Variants in ADAM15 observed in about 807,000 individuals in gnomAD.
ADAM15 encodes the protein disintegrin and metalloproteinase domain-containing protein 15.
Under a neutral mutation model 113.8 loss-of-function variants are expected in ADAM15, and 77 were observed. The ratio of observed to expected loss-of-function variants is 0.68; its 90% CI spans 0.56 to 0.82. The LOEUF is 0.82. Ranked by LOEUF, ADAM15 falls within the 40% of genes least tolerant of loss-of-function variation. ADAM15 has a pLI of 0.00. For synonymous variants in ADAM15, 388 were observed against 454.1 expected (o/e 0.85, Z 1.85); for missense variants, 963 against 1,120.1 (o/e 0.86, Z 2.00).
Position 155,057,720 on chromosome 1 carries a change from A to G in ADAM15, c.1407A>G (p.Gln469=). 8 of 1,614,142 alleles carry G rather than the reference A, an allele frequency of 5.0e-6. No homozygotes were observed. Among genetic ancestry groups the G allele is most frequent in the Non-Finnish European group, 6.8e-6 (8 of 1,180,024 alleles). The part of the protein sequence containing the change: ...AQCASDGPCC[Q]NCQLRPSGWQ... Reference sequence around the variant, plus strand: ...GTGCATCTGACGGACCCTGTTGTCAAAATTGCCAGGTGGGTAGAGACTAGA... The same window carrying G: ...GTGCATCTGACGGACCCTGTTGTCAGAATTGCCAGGTGGGTAGAGACTAGA... The change falls in exon 13 of 23, where the codon CAA becomes CAG. Residue 469 remains glutamine, a synonymous_variant. Transcript: ENST00000356955. The surrounding 1 kb of genome is among the most constrained non-coding windows in gnomAD (Gnocchi z 5.0).
chr1:155,059,761 TA>T, intron 16 of ADAM15, 140 bp from the exon 17 acceptor site: 1 of 857,584 alleles, frequency 1.2e-6, no homozygotes, highest in Non-Finnish European at 1.9e-6. Flanking sequence ...CTGGTATGGA[TA>T]AAGACCCTCC....
Position 155,058,809 on chromosome 1 carries a change from G to A in ADAM15, c.1995+22G>A, listed in dbSNP as rs752692675. On this transcript the variant is annotated intron_variant, in intron 16 of 22. Coordinates refer to ENST00000356955, the MANE Select transcript of ADAM15 (RefSeq NM_207197.3). This position sits in a 1 kb window ranked among gnomAD's most constrained non-coding sequence, Gnocchi z 4.3. ...TGGGGTGAGCTGGGATGGGGGAAGT[G>A]GAAGGGGAGCAGAGAGCCTCTAGAG... 1 of 1,603,578 alleles carries A rather than the reference G, an allele frequency of 6.2e-7. No individual in the cohort carries two copies. The highest frequency in any genetic ancestry group is 2.2e-5 in the East Asian group (1 of 44,738).
At chr1:155,054,643 A>C in intron 6 of ADAM15, 137 bp downstream of exon 6, 1 of 895,940 alleles carries the variant, frequency 1.1e-6, no homozygotes, top group Non-Finnish European at 1.6e-6. Flanking sequence ...TGTGAACATT[A>C]GCTCGTGTAC....
Position 155,051,469 on chromosome 1 carries a change from A to T in ADAM15, c.79+4A>T. 6.4e-7 allele frequency: 1 copy of T among 1,561,780 alleles called. No individual in the cohort carries two copies. On this transcript the variant is annotated splice_donor_region_variant and intron_variant, in intron 1 of 22. Coordinates refer to ENST00000356955, the MANE Select transcript of ADAM15 (RefSeq NM_207197.3). ...TCCTGGCCGCTCCCAAATATAGGTG[A>T]GTCCTCCGCCTGGAGTGGGTCGGGG...
chr1:155,054,257 A>G lies in ADAM15; in HGVS notation c.419+31A>G, dbSNP rs369608805. On this transcript the variant is annotated intron_variant, in intron 5 of 22. Transcript: ENST00000356955. ...CTGGGCGGATTTAATGACAGTAGAG[A>G]AAGTAAGGAGACCCAGGCATGGAGC... The G allele has an allele frequency of 6.2e-5, 98 of 1,585,362 alleles. 1 individual carries two copies. The African/African-American group carries it at 1.3e-3, about 21-fold the overall frequency.
Position 155,052,131 on chromosome 1 carries a change from G to T in ADAM15, c.80-540G>T, listed in dbSNP as rs369628208. The T allele has an allele frequency of 9.9e-4, 212 of 214,736 alleles. 1 individual carries two copies. The highest frequency in any genetic ancestry group is 7.8e-3 in the East Asian group (59 of 7,604). The allele number at this position is 214,736 out of a possible 1,614,324, so 13.3% of individuals were successfully genotyped here. On this transcript the variant is annotated intron_variant, in intron 1 of 22. Coordinates refer to ENST00000356955, the MANE Select transcript of ADAM15 (RefSeq NM_207197.3). ...GAGGAGAGAGGGCCATTGTGTGTTGGGGGGGTGGGGGGTGCTCGAGGAGGA... is the reference window on the plus strand; with the variant it reads ...GAGGAGAGAGGGCCATTGTGTGTTGTGGGGGTGGGGGGTGCTCGAGGAGGA...
At position 155,057,514 on chromosome 1, in the gene ADAM15, T is replaced by C; in HGVS notation, c.1324-123T>C. 1.3e-6 allele frequency: 2 copies of C among 1,490,618 alleles called. No homozygotes were observed. The highest frequency in any genetic ancestry group is 1.8e-6 in the Non-Finnish European group (2 of 1,084,352). The allele number at this position is 1,490,618 out of a possible 1,614,324, so 92.3% of individuals were successfully genotyped here. A position where few individuals can be genotyped will look rare whatever the true frequency, so the allele number is the denominator to read the frequency against. On this transcript the variant is annotated intron_variant, in intron 12 of 22. Coordinates refer to ENST00000356955, the MANE Select transcript of ADAM15 (RefSeq NM_207197.3). This position sits in a 1 kb window ranked among gnomAD's most constrained non-coding sequence, Gnocchi z 5.0. ...GTCTGTGGGGACAGCACATGGGTTG[T>C]TGGGCTCTAGCCCTCGCTTGCTGTG...
chr1:155,052,059 G>C (rs577991737), intron 1 of ADAM15: 1 of 163,926 alleles, frequency 6.1e-6, no homozygotes, highest in Non-Finnish European at 1.3e-5. Context: ...ACTTCCCGCT[G>C]CTGTCTTGGG....
Position 155,058,645 on chromosome 1 carries a change from T to C in ADAM15, c.1918-65T>C. On this transcript the variant is annotated intron_variant, in intron 15 of 22. Coordinates refer to ENST00000356955, the MANE Select transcript of ADAM15 (RefSeq NM_207197.3). This position sits in a 1 kb window ranked among gnomAD's most constrained non-coding sequence, Gnocchi z 4.3. Reference sequence around the variant, plus strand: ...AACGCAGGGTATGGCCTCAACCTTATTGGCCTCCCAGTCCCATTAAAGCTT... The same window carrying C: ...AACGCAGGGTATGGCCTCAACCTTACTGGCCTCCCAGTCCCATTAAAGCTT... The C allele has an allele frequency of 2.5e-6, 4 of 1,575,470 alleles. No homozygotes were observed. The highest frequency in any genetic ancestry group is 3.4e-6 in the Non-Finnish European group (4 of 1,161,708).
chr1:155,053,695 C>T (rs1324752465), intron 3 of ADAM15, among the ~76,000 whole-genome samples: 2 of 152,312 alleles, frequency 1.3e-5, no homozygotes, highest in African/African-American at 4.8e-5. Context: ...CCAGGTCACA[C>T]AGCTAGTATG....
chr1:155,054,576 G>A, intron 6 of ADAM15, 70 bp downstream of exon 6: 1 of 1,451,968 alleles, frequency 6.9e-7, no homozygotes, highest in Non-Finnish European at 9.2e-7. Flanking sequence ...TTAGAGCTAT[G>A]TGTGCACAGT....
intron 2 of ADAM15, among the ~76,000 whole-genome samples, chr1:155,052,991 C>T (rs1422026465): frequency 6.6e-6 from 1 of 152,140 alleles, no homozygotes; most frequent in African/African-American, 2.4e-5. Flanking sequence ...TCTGCCTCAG[C>T]CCCACCCAAC....
chr1:155,055,943 C>T lies in ADAM15; in HGVS notation c.687C>T (p.Tyr229=). ...IVADHSEAQK[Y]RDFQHLLNRT... is the part of the protein sequence containing the mutation. The stretch of plus-strand genomic sequence containing the variant: ...CTCTTGGCCTACAGGCCCAGAAATA[C>T]CGGGACTTCCAGCACCTGCTAAACC... The change falls in exon 8 of 23, where the codon TAC becomes TAT. Residue 229 remains tyrosine, a synonymous_variant. Coordinates refer to ENST00000356955, the MANE Select transcript of ADAM15 (RefSeq NM_207197.3). 6.2e-7 allele frequency: 1 copy of T among 1,614,212 alleles called. No individual in the cohort carries two copies. Among genetic ancestry groups the T allele is most frequent in the South Asian group, 1.1e-5 (1 of 91,084 alleles).
rs2102418765 is a variant in ADAM15, at chr1:155,059,904, C to T, written c.1998C>T (p.Val666=). The change falls in exon 17 of 23, where the codon GTC becomes GTT. Residue 666 remains valine (V), a splice_region_variant and synonymous_variant. Transcript: ENST00000356955. ...ATTGCTCGCCTTGTACCTCCTAGGT[C>T]TGTGACAGCAACAGGCACTGCTACT... is the stretch of plus-strand genomic sequence containing the variant. The part of the protein sequence containing the change: ...ECRSKCHGHG[V]CDSNRHCYCE... 6.2e-7 allele frequency: 1 copy of T among 1,613,952 alleles called. No individual in the cohort carries two copies. Among genetic ancestry groups the T allele is most frequent in the East Asian group, 2.2e-5 (1 of 44,886 alleles).
intron 2 of ADAM15, among the ~76,000 whole-genome samples, 156 bp from the exon 3 acceptor site, chr1:155,053,261 C>T (rs996193474): frequency 6.6e-6 from 1 of 152,124 alleles, no homozygotes; most frequent in Admixed American, 6.5e-5. Context: ...CAGAACAATG[C>T]TCCAGGCCAG....
At position 155,052,733 on chromosome 1, in the gene ADAM15, G is replaced by A. The variant is rs1272824497; in HGVS notation, c.142G>A (p.Val48Ile). Residue 48 changes from valine to isoleucine, a missense_variant, in exon 2 of 23, where the codon GTC becomes ATC. Physicochemically the swap from Val to Ile is conservative, Grantham distance 29 (BLOSUM62 3). Coordinates refer to ENST00000356955, the MANE Select transcript of ADAM15 (RefSeq NM_207197.3). ...KAPREPLEPQVLQDDLPISLK... is the reference protein window; with the variant it reads ...KAPREPLEPQILQDDLPISLK... ...CCCGAGGGAGCCCTTGGAGCCCCAGGTCCTTCAGGACGATCTCCCAATTAG... is the reference window on the plus strand; with the variant it reads ...CCCGAGGGAGCCCTTGGAGCCCCAGATCCTTCAGGACGATCTCCCAATTAG... 2 of 1,612,566 alleles carry A rather than the reference G, an allele frequency of 1.2e-6. No individual in the cohort carries two copies. The highest frequency in any genetic ancestry group is 8.5e-7 in the Non-Finnish European group (1 of 1,179,558).
intron 1 of ADAM15, chr1:155,051,833 G>C (rs4845407): frequency 0.89 from 180,592 of 202,882 alleles, 80,606 homozygotes; most frequent in African/African-American, 0.96. Context: ...CTAACCGTTC[G>C]ACCCGGTGCC....
At chr1:155,060,970 A>AGCCCT (rs1003870859) in intron 19 of ADAM15, 138 bp downstream of exon 19, 13 of 816,854 alleles carry the variant, frequency 1.6e-5, no homozygotes, top group African/African-American at 8.5e-5. Flanking sequence ...AGTCAGGGCC[A>AGCCCT]GCCCTGCCCT....
At position 155,054,335 on chromosome 1, in the gene ADAM15, A is replaced by G. The variant is rs1393672607; in HGVS notation, c.441A>G (p.Pro147=). 6.2e-7 allele frequency: 1 copy of G among 1,600,686 alleles called. No individual in the cohort carries two copies. The highest frequency in any genetic ancestry group is 8.5e-7 in the Non-Finnish European group (1 of 1,174,768). The change falls in exon 6 of 23, where the codon CCA becomes CCG. Residue 147 remains proline (P), a synonymous_variant. Transcript: ENST00000356955. ...SGLRGLVVLT[P]ERSYTLEQGP... ...TTAGAGGCTTGGTGGTCCTGACCCC[A>G]GAGAGAAGCTATACCCTGGAGCAGG...
Sources: gnomAD v4.1 joint callset for allele counts (sites outside exome capture counted in the v4.1 genomes callset) on GRCh38, gnomAD v4.1.1 for gene constraint, Gnocchi (gnomAD v3.1) non-coding constraint, MANE v1.5 for transcripts, NCBI Gene and HGNC (gene_info 2026-07-23, HGNC 2026-07-21) for gene names.